The following SAFB2 variants were observed in gnomAD, a reference collection of about 807,000 sequenced individuals.
SAFB2 encodes scaffold attachment factor B2.
A neutral mutation model predicts 100.6 loss-of-function variants in SAFB2; 32 were observed. That is an observed-to-expected ratio of 0.32 (90% CI 0.24 to 0.43). The LOEUF is 0.43. SAFB2 is among the 20% of genes least tolerant of loss of function. The pLI is 1.00. For synonymous variants in SAFB2, 500 were observed against 439.4 expected, an observed-to-expected ratio of 1.14 and a Z score of -1.72; for missense variants, 1,185 against 1,163.4, an observed-to-expected ratio of 1.02 and a Z score of -0.27.
At chr19:5,591,026 A>C (rs117498829) in intron 17 of SAFB2, among the ~76,000 whole-genome samples, 2,230 of 152,010 alleles carry the variant, frequency 0.015, 33 homozygotes, top group Admixed American at 0.02. Context: ...CGTGCCCACC[A>C]AGCACGGACT....
intron 9 of SAFB2, among the ~76,000 whole-genome samples, chr19:5,608,592 G>A (rs1056273721): frequency 5.9e-5 from 9 of 152,188 alleles, no homozygotes; most frequent in Non-Finnish European, 1.3e-4. Flanking sequence ...GGGTGACACA[G>A]ACCTAGACAA....
rs547898722 is a variant in SAFB2, at chr19:5,594,097, G to A, written c.2001C>T (p.Arg667=). ...GCTGGCGCTGGCACTCGAGCTGCAG[G>A]CGTTCCCGCTGTAGCCGGGCCTTCT... is the stretch of plus-strand genomic sequence containing the variant. ...RKEKARLQRE[R]LQLECQRQRL... is the part of the protein sequence containing the mutation. The change falls in exon 15 of 21, where the codon CGC becomes CGT. Residue 667 remains arginine (R), a synonymous_variant. Coordinates refer to ENST00000252542, the MANE Select transcript of SAFB2 (RefSeq NM_014649.3). The A allele has an allele frequency of 2.5e-6, 4 of 1,599,906 alleles. No homozygotes were observed. In the East Asian group the frequency reaches 9.0e-5, roughly 36 times the overall value.
rs1243424694 is a variant in SAFB2, at chr19:5,594,159, G to A, written c.1939C>T (p.Arg647Trp). 2.5e-6 allele frequency: 4 copies of A among 1,596,724 alleles called. No homozygotes were observed. The highest frequency in any genetic ancestry group is 1.3e-5 in the African/African-American group (1 of 74,752). Residue 647 changes from arginine (R) to tryptophan (W), a missense_variant, in exon 15 of 21, where the codon CGG becomes TGG. Physicochemically the swap from Arg to Trp is moderately radical, Grantham distance 101. Around this residue, in one of 3 missense-constraint regions of SAFB2, gnomAD observed 740 missense variants for 687.1 expected, o/e 1.08. Coordinates refer to ENST00000252542, the MANE Select transcript of SAFB2 (RefSeq NM_014649.3). ...TGGAAGGCCTCGAGGCGTTGCTCCCGCTCCCGCTGCTCGCGCTCCCTGCGG... is the reference window on the plus strand; with the variant it reads ...TGGAAGGCCTCGAGGCGTTGCTCCCACTCCCGCTGCTCGCGCTCCCTGCGG... ...ERRREREQRE[R>W]EQRLEAFHER...
intron 9 of SAFB2, among the ~76,000 whole-genome samples, chr19:5,605,242 T>A (rs2052750070): frequency 2.0e-5 from 3 of 152,034 alleles, no homozygotes; most frequent in Admixed American, 2.0e-4. Flanking sequence ...GTAGCTGGGA[T>A]TACAGGCGCC....
chr19:5,613,256 T>C lies in SAFB2; in HGVS notation c.606+209A>G, dbSNP rs79889106. On this transcript the variant is annotated intron_variant, in intron 5 of 20. Transcript: ENST00000252542. ...CAGAACTGCTCCCTCATCACACTTCTTTCTCCCTTCTGGTTACATATTTGG... is the reference window on the plus strand; with the variant it reads ...CAGAACTGCTCCCTCATCACACTTCCTTCTCCCTTCTGGTTACATATTTGG... Among the ~76,000 whole-genome samples, 184 of 152,304 alleles carry C rather than the reference T, an allele frequency of 1.2e-3. 1 individual carries two copies. The highest frequency in any genetic ancestry group is 4.3e-3 in the African/African-American group (180 of 41,560).
chr19:5,608,321 T>C (rs2052821735), intron 9 of SAFB2, among the ~76,000 whole-genome samples: 1 of 152,110 alleles, frequency 6.6e-6, no homozygotes, highest in African/African-American at 2.4e-5. Flanking sequence ...CAACACATCA[T>C]ATGTGTTTAT....
intron 15 of SAFB2, 141 bp downstream of exon 15, chr19:5,593,750 G>T: frequency 1.1e-6 from 1 of 904,414 alleles, no homozygotes; most frequent in Non-Finnish European, 1.5e-6. Flanking sequence ...AGATCGGCGG[G>T]GGGTCCCCAA....
chr19:5,610,667 A>G lies in SAFB2; in HGVS notation c.1167T>C (p.Asp389=), dbSNP rs755064117. 2 of 1,570,514 alleles carry G rather than the reference A, an allele frequency of 1.3e-6. No homozygotes were observed. The highest frequency in any genetic ancestry group is 2.3e-5 in the South Asian group (2 of 87,364). ...TTTCATCTTTAATGATTGGCTTTAT[A>G]TCTTTTTCTTCCTTAAAAGAGCTAG... The part of the protein sequence containing the change: ...QKMSSFKEEK[D]IKPIIKDEKG... Residue 389 remains aspartate (D), a synonymous_variant, in exon 8 of 21, where the codon GAT becomes GAC. Transcript: ENST00000252542.
chr19:5,598,958 G>C, intron 12 of SAFB2, 74 bp from the exon 13 acceptor site: 3 of 1,367,034 alleles, frequency 2.2e-6, no homozygotes, highest in Non-Finnish European at 3.1e-6. Flanking sequence ...GCACTCTGAT[G>C]GACCCTGGGC....
At chr19:5,604,214 C>T (rs977133294) in intron 11 of SAFB2, among the ~76,000 whole-genome samples, 6 of 152,106 alleles carry the variant, frequency 3.9e-5, no homozygotes, top group African/African-American at 1.4e-4. Flanking sequence ...AGTTTGAGAC[C>T]AGCCTTGGTA....
chr19:5,596,080 T>C (rs2052530533), intron 13 of SAFB2, among the ~76,000 whole-genome samples: 1 of 152,104 alleles, frequency 6.6e-6, no homozygotes, highest in South Asian at 2.1e-4. Flanking sequence ...CTGACCAACA[T>C]GGTGAAACCC....
chr19:5,595,773 T>C (rs2052524305), intron 13 of SAFB2, among the ~76,000 whole-genome samples: 1 of 152,228 alleles, frequency 6.6e-6, no homozygotes, highest in South Asian at 2.1e-4. Flanking sequence ...ACAGTTCTTC[T>C]AGCATAGCAC....
chr19:5,590,159 G>T, intron 18 of SAFB2, 119 bp downstream of exon 18: 1 of 915,486 alleles, frequency 1.1e-6, no homozygotes. Flanking sequence ...AGGACCCCTG[G>T]TAGCCCATCC....
At chr19:5,592,646 C>T (rs2052435297) in intron 16 of SAFB2, 101 bp downstream of exon 16, 1 of 1,369,018 alleles carries the variant, frequency 7.3e-7, no homozygotes, top group Non-Finnish European at 1.0e-6. Flanking sequence ...AACGAGGCTT[C>T]AGAGCACACA....
chr19:5,587,239 G>A lies in SAFB2; in HGVS notation c.*4C>T, dbSNP rs922909761. 3.2e-5 allele frequency: 52 copies of A among 1,613,070 alleles called. No individual in the cohort carries two copies. Among genetic ancestry groups the A allele is most frequent in the Non-Finnish European group, 4.3e-5 (51 of 1,179,752 alleles). On this transcript the variant is annotated 3_prime_UTR_variant, in exon 21 of 21. Transcript: ENST00000252542. This position sits in a 1 kb window ranked among gnomAD's most constrained non-coding sequence, Gnocchi z 4.9. Reference sequence around the variant, plus strand: ...CCCACCCGAAAACTCGCAGCGAGTGGGACTTAGTAGCGGCGGGTGAAGTGG... The same window carrying A: ...CCCACCCGAAAACTCGCAGCGAGTGAGACTTAGTAGCGGCGGGTGAAGTGG...
intron 1 of SAFB2, 87 bp downstream of exon 1, chr19:5,622,443 G>C (rs1387001689): frequency 7.4e-7 from 1 of 1,345,898 alleles, no homozygotes; most frequent in Non-Finnish European, 9.7e-7. Flanking sequence ...AACCCAGGGC[G>C]CCCCGGGTCC....
chr19:5,595,612 G>T, intron 13 of SAFB2, 115 bp from the exon 14 acceptor site: 1 of 1,299,466 alleles, frequency 7.7e-7, no homozygotes, highest in Non-Finnish European at 1.0e-6. Flanking sequence ...GGTGTAGATG[G>T]AAGGCTGTGG....
At position 5,587,728 on chromosome 19, in the gene SAFB2, T is replaced by G. The variant is rs1205113550; in HGVS notation, c.2678A>C (p.His893Pro). 1 of 1,552,356 alleles carries G rather than the reference T, an allele frequency of 6.4e-7. No individual in the cohort carries two copies. Among genetic ancestry groups the G allele is most frequent in the Admixed American group, 2.0e-5 (1 of 51,142 alleles). The change falls in exon 20 of 21, where the codon CAC becomes CCC. Residue 893 changes from histidine (H) to proline (P), a missense_variant. Coordinates refer to ENST00000252542, the MANE Select transcript of SAFB2 (RefSeq NM_014649.3). The surrounding 1 kb of genome is among the most constrained non-coding windows in gnomAD (Gnocchi z 4.9). ...RGLSGPSGPGHMASRGGVAGR... is the reference protein window; with the variant it reads ...RGLSGPSGPGPMASRGGVAGR... Reference sequence around the variant, plus strand: ...CGCCACTCCACCGCGGCTTGCCATGTGCCCCGGCCCCGAGGGCCCAGACAG... The same window carrying G: ...CGCCACTCCACCGCGGCTTGCCATGGGCCCCGGCCCCGAGGGCCCAGACAG...
intron 17 of SAFB2, chr19:5,591,224 T>C (rs2145315398): frequency 6.5e-6 from 1 of 152,830 alleles, no homozygotes; most frequent in East Asian, 1.9e-4. Flanking sequence ...CCCAACATAT[T>C]TGAAAATGAC....
Sources: allele counts gnomAD v4.1 joint callset (sites outside exome capture counted in the v4.1 genomes callset), GRCh38; gene constraint gnomAD v4.1.1; regional missense constraint gnomAD v4.1.1; non-coding constraint Gnocchi (gnomAD v3.1); transcripts MANE v1.5; gene names NCBI Gene and HGNC (gene_info 2026-07-23, HGNC 2026-07-21).